PREX1: variants seen among roughly 807,000 people sequenced by gnomAD.
The protein encoded by PREX1 is phosphatidylinositol-3,4,5-trisphosphate dependent Rac exchange factor 1, also known as phosphatidylinositol 3,4,5-trisphosphate-dependent Rac exchanger 1 protein.
Under a neutral mutation model 198.3 loss-of-function variants are expected in PREX1, and 41 were observed. The observed-to-expected ratio is 0.21, with a 90% CI of 0.16 to 0.27. PREX1 has a LOEUF of 0.27. Among genes scored for constraint, PREX1 ranks in the 10% least tolerant of loss-of-function variants. The pLI is 1.00. For missense variants in PREX1, 1,620 were observed against 2,200.7 expected (o/e 0.74, Z 5.28); for synonymous variants, 843 against 887.2 (o/e 0.95, Z 0.89).
At chr20:48,860,789 C>T in the PREX1 span, among the ~76,000 whole-genome samples, 4 of 150,352 alleles carry the variant, frequency 2.7e-5, no homozygotes, top group East Asian at 3.9e-4. Context: ...GAGCCGAGAT[C>T]GCACCACTGC....
intron 4 of PREX1, among the ~76,000 whole-genome samples, chr20:48,728,435 G>C (rs2090019146): frequency 6.6e-6 from 1 of 152,222 alleles, no homozygotes; most frequent in Admixed American, 6.5e-5. Flanking sequence ...CTGCCTCTTA[G>C]GGATCACAAT....
At chr20:48,679,982 C>T (rs953819867) in intron 11 of PREX1, among the ~76,000 whole-genome samples, 1 of 152,174 alleles carries the variant, frequency 6.6e-6, no homozygotes, top group Admixed American at 6.5e-5. Context: ...CCTCCTGCTA[C>T]GTGCAGGACC....
At chr20:48,729,329 G>A (rs932679504) in intron 4 of PREX1, among the ~76,000 whole-genome samples, 5 of 151,946 alleles carry the variant, frequency 3.3e-5, no homozygotes, top group Non-Finnish European at 7.4e-5. Context: ...TGCCTGCCTC[G>A]GCCTCCTAAA....
At chr20:48,749,715 G>A (rs564569812) in intron 1 of PREX1, among the ~76,000 whole-genome samples, 10 of 152,300 alleles carry the variant, frequency 6.6e-5, no homozygotes, top group South Asian at 4.1e-4. Flanking sequence ...AAGCAGCTTC[G>A]TCTCTGTCCA....
chr20:48,811,629 CA>C (rs1194745203), intron 1 of PREX1, among the ~76,000 whole-genome samples: 6 of 95,726 alleles, frequency 6.3e-5, no homozygotes, highest in African/African-American at 2.5e-4. Context: ...CACACCCCCC[CA>C]CACACACACA....
At chr20:48,706,667 G>A (rs1460354917) in intron 6 of PREX1, among the ~76,000 whole-genome samples, 1 of 152,234 alleles carries the variant, frequency 6.6e-6, no homozygotes, top group Non-Finnish European at 1.5e-5. Context: ...AGGCTCACCA[G>A]AGACCAAATC....
At chr20:48,828,247 C>T (rs1173709489), upstream of PREX1, among the ~76,000 whole-genome samples, 5 of 151,510 alleles carry the variant, frequency 3.3e-5, no homozygotes, top group East Asian at 5.8e-4. Flanking sequence ...CCGGAAGGGC[C>T]CCGCGGAGCC....
intron 1 of PREX1, among the ~76,000 whole-genome samples, chr20:48,777,333 CTT>C (rs1465312265): frequency 2.0e-5 from 3 of 152,310 alleles, no homozygotes; most frequent in South Asian, 2.1e-4. Flanking sequence ...CCACCATTCT[CTT>C]GAGGGTATGA....
chr20:48,850,774 G>A, the PREX1 span, among the ~76,000 whole-genome samples: 2 of 152,002 alleles, frequency 1.3e-5, no homozygotes, highest in African/African-American at 2.4e-5. Flanking sequence ...TTTCTTCCCC[G>A]CCATCTCCGT....
chr20:48,820,872 C>T (rs192798673), intron 1 of PREX1, among the ~76,000 whole-genome samples: 2 of 152,312 alleles, frequency 1.3e-5, no homozygotes, highest in Non-Finnish European at 1.5e-5. Flanking sequence ...CAGACCAACG[C>T]TAGGGCCAGA....
intron 1 of PREX1, among the ~76,000 whole-genome samples, chr20:48,807,956 A>T (rs769601151): frequency 3.9e-5 from 6 of 152,110 alleles, no homozygotes; most frequent in African/African-American, 1.2e-4. Context: ...CCTTCCTCCC[A>T]AGCCCCTCCC....
chr20:48,848,775 C>T, the PREX1 span, among the ~76,000 whole-genome samples: 3 of 152,216 alleles, frequency 2.0e-5, no homozygotes, highest in East Asian at 1.9e-4. Context: ...CTCGCTCTGT[C>T]GCTCAGGCTG....
the PREX1 span, among the ~76,000 whole-genome samples, chr20:48,864,700 G>A: frequency 1.3e-5 from 2 of 152,234 alleles, no homozygotes; most frequent in Admixed American, 1.3e-4. Context: ...GTTAGGGACA[G>A]AGCCCAGCTG....
intron 10 of PREX1, among the ~76,000 whole-genome samples, chr20:48,686,288 C>T (rs1338695981): frequency 1.3e-5 from 2 of 152,046 alleles, no homozygotes; most frequent in East Asian, 1.9e-4. Flanking sequence ...GGGACCCTGG[C>T]GGGGGTAGCA....
At chr20:48,756,464 G>A (rs4809726) in intron 1 of PREX1, among the ~76,000 whole-genome samples, 26,792 of 147,798 alleles carry the variant, frequency 0.18, 3,097 homozygotes, top group Non-Finnish European at 0.26. Context: ...ACTGGGAAGA[G>A]ATAGCTTTTT....
chr20:48,638,880 C>T (rs1340193559), intron 30 of PREX1, among the ~76,000 whole-genome samples: 1 of 152,246 alleles, frequency 6.6e-6, no homozygotes, highest in Admixed American at 6.5e-5. Context: ...AGTGGGTGAG[C>T]TGGGATTCAA....
At position 48,827,949 on chromosome 20, in the gene PREX1, G is replaced by A. The variant is rs2090517742; in HGVS notation, c.-89C>T. On this transcript the variant is annotated 5_prime_UTR_variant, in exon 1 of 40. Coordinates refer to ENST00000371941, the MANE Select transcript of PREX1 (RefSeq NM_020820.4). The surrounding 1 kb of genome is among the most constrained non-coding windows in gnomAD (Gnocchi z 4.1). ...CGCCCCATCCCGGACGGGGCGCGCC[G>A]GCGGGCCGGGCTCAGCGGCGGGCCG... The A allele has an allele frequency of 9.3e-6, 4 of 431,674 alleles. No individual in the cohort carries two copies. Among genetic ancestry groups the A allele is most frequent in the South Asian group, 1.8e-4 (2 of 10,840 alleles). The allele number at this position is 431,674 out of a possible 1,614,324, so 26.7% of individuals were successfully genotyped here.
In PREX1 at chr20:48,627,662, C is replaced by T. The variant is rs372614476; in HGVS notation, c.4870-47G>A. 54 of 1,124,638 alleles carry T rather than the reference C, an allele frequency of 4.8e-5. No homozygotes were observed. In the East Asian group the frequency reaches 5.6e-4, roughly 12 times the overall value. The allele number at this position is 1,124,638 out of a possible 1,614,324, so 69.7% of individuals were successfully genotyped here. A position where few individuals can be genotyped will look rare whatever the true frequency, so the allele number is the denominator to read the frequency against. On this transcript the variant is annotated intron_variant, in intron 38 of 39. Coordinates refer to ENST00000371941, the MANE Select transcript of PREX1 (RefSeq NM_020820.4). ...CAGGGGCCTCTGCAGGTTCAGGGCA[C>T]GTGAGGAAGCACACTGGGGGGTGGG...
intron 5 of PREX1, among the ~76,000 whole-genome samples, chr20:48,723,014 A>C (rs2089992911): frequency 6.6e-6 from 1 of 152,254 alleles, no homozygotes; most frequent in African/African-American, 2.4e-5. Context: ...GGCAACGTGA[A>C]TGGAAAAGTC....
Sources: allele counts gnomAD v4.1 joint callset (sites outside exome capture counted in the v4.1 genomes callset), GRCh38; gene constraint gnomAD v4.1.1; non-coding constraint Gnocchi (gnomAD v3.1); transcripts MANE v1.5; gene names NCBI Gene and HGNC (gene_info 2026-07-23, HGNC 2026-07-21).